The following CFAP299 variants were observed in gnomAD, a reference collection of about 807,000 sequenced individuals.
CFAP299 encodes the protein cilia- and flagella-associated protein 299.
Under a neutral mutation model 27.0 loss-of-function variants are expected in CFAP299, and 21 were observed. The observed-to-expected ratio is 0.78, with a 90% CI of 0.55 to 1.12. The LOEUF (loss-of-function observed/expected upper bound fraction) is 1.12, where lower values mean the gene tolerates loss of function less well. CFAP299 is among the 50% of genes most tolerant of loss of function. The probability of loss-of-function intolerance (pLI) is 0.00; values close to 1 mark genes in which losing one functional copy is unlikely to be tolerated. For missense variants in CFAP299, 310 were observed against 276.6 expected (o/e 1.12, Z -0.86); for synonymous variants, 104 against 98.1 (o/e 1.06, Z -0.36).
intron 4 of CFAP299, among the ~76,000 whole-genome samples, chr4:80,923,193 G>A (rs1027453509): frequency 1.3e-5 from 2 of 152,018 alleles, no homozygotes; most frequent in Admixed American, 6.6e-5. Context: ...CCACAGCCAG[G>A]AAGAGGAGGA....
rs999270359 is a variant in CFAP299, at chr4:80,399,404, C to T, written c.242+36520C>T. ...GACACATGCACACATATGTTTATTGCAGCACTATTCACAATAGCAAAGACT... is the reference window on the plus strand; with the variant it reads ...GACACATGCACACATATGTTTATTGTAGCACTATTCACAATAGCAAAGACT... On this transcript the variant is annotated intron_variant, in intron 2 of 5. Transcript: ENST00000358105. Among the ~76,000 whole-genome samples, 227 of 152,034 alleles carry T rather than the reference C, an allele frequency of 1.5e-3. 2 individuals are homozygous for T. Among genetic ancestry groups the T allele is most frequent in the Non-Finnish European group, 2.6e-3 (174 of 68,028 alleles).
At chr4:80,494,644 C>T (rs915395278) in intron 2 of CFAP299, among the ~76,000 whole-genome samples, 6 of 152,120 alleles carry the variant, frequency 3.9e-5, no homozygotes, top group African/African-American at 1.4e-4. Flanking sequence ...TTTCTTTTCC[C>T]TCTACTTAGA....
At chr4:80,651,153 T>C (rs1470802046) in intron 3 of CFAP299, among the ~76,000 whole-genome samples, 1 of 152,116 alleles carries the variant, frequency 6.6e-6, no homozygotes, top group Non-Finnish European at 1.5e-5. Flanking sequence ...TTGCAAATAT[T>C]TTTCTCCTTG....
chr4:80,938,029 T>G (rs1368155871), intron 4 of CFAP299, among the ~76,000 whole-genome samples: 1 of 152,210 alleles, frequency 6.6e-6, no homozygotes, highest in Admixed American at 6.5e-5. Flanking sequence ...TCTCCCTCTA[T>G]TTTATGTAAT....
At chr4:80,540,146 G>C (rs1733931638) in intron 2 of CFAP299, among the ~76,000 whole-genome samples, 1 of 152,188 alleles carries the variant, frequency 6.6e-6, no homozygotes, top group Non-Finnish European at 1.5e-5. Flanking sequence ...GGCCTTCTTG[G>C]AAGTTTTGTG....
intron 4 of CFAP299, among the ~76,000 whole-genome samples, chr4:80,892,777 G>A (rs1734373238): frequency 6.6e-6 from 1 of 151,932 alleles, no homozygotes; most frequent in Non-Finnish European, 1.5e-5. Flanking sequence ...TAATATATTC[G>A]ATGGCGAAAA....
intron 3 of CFAP299, among the ~76,000 whole-genome samples, chr4:80,820,637 T>A (rs1271239054): frequency 6.6e-6 from 1 of 152,050 alleles, no homozygotes; most frequent in Non-Finnish European, 1.5e-5. Flanking sequence ...AGAAGAGCCA[T>A]GTGGTCTGAC....
chr4:80,906,079 G>C (rs192382948), intron 4 of CFAP299, among the ~76,000 whole-genome samples: 37 of 152,246 alleles, frequency 2.4e-4, no homozygotes, highest in African/African-American at 8.4e-4. Context: ...TCAAAAGCAA[G>C]TTAGTTACTT....
chr4:80,944,910 G>C lies in CFAP299; in HGVS notation c.577G>C (p.Asp193His), dbSNP rs768332413. The C allele has an allele frequency of 1.9e-6, 3 of 1,612,784 alleles. No homozygotes were observed. The highest frequency in any genetic ancestry group is 2.5e-6 in the Non-Finnish European group (3 of 1,179,328). ...PEGLLFRYKR[D>H]RKILNVDPKA... The stretch of plus-strand genomic sequence containing the variant: ...AGGCTTACTTTTCAGATACAAAAGA[G>C]ACAGAAAAATTCTTAATGTGGACCC... Residue 193 changes from aspartate (D) to histidine (H), a missense_variant, in exon 5 of 6, where the codon GAC becomes CAC. Asp to His is a moderately conservative substitution (Grantham distance 81). Transcript: ENST00000358105.
At chr4:80,585,725 G>T (rs1736400987) in intron 3 of CFAP299, among the ~76,000 whole-genome samples, 1 of 152,164 alleles carries the variant, frequency 6.6e-6, no homozygotes, top group African/African-American at 2.4e-5. Flanking sequence ...ATGGGGATAA[G>T]TGTGTCTCCA....
At chr4:80,930,949 G>C (rs1375368026) in intron 4 of CFAP299, among the ~76,000 whole-genome samples, 1 of 151,966 alleles carries the variant, frequency 6.6e-6, no homozygotes, top group South Asian at 2.1e-4. Flanking sequence ...TCTGGACAAG[G>C]TTTCTCTCCT....
intron 2 of CFAP299, among the ~76,000 whole-genome samples, chr4:80,489,223 G>A (rs1171156707): frequency 6.6e-6 from 1 of 152,066 alleles, no homozygotes; most frequent in Non-Finnish European, 1.5e-5. Flanking sequence ...GTCTCTGAAG[G>A]TATTTTTACT....
intron 2 of CFAP299, among the ~76,000 whole-genome samples, chr4:80,465,889 AG>A (rs1388701250): frequency 6.6e-6 from 1 of 152,240 alleles, no homozygotes; most frequent in Non-Finnish European, 1.5e-5. Context: ...GGAATGCTGA[AG>A]GAATAAACAC....
rs561918835 is a variant in CFAP299, at chr4:80,387,250, G to C, written c.242+24366G>C. On this transcript the variant is annotated intron_variant, in intron 2 of 5. Transcript: ENST00000358105. Reference sequence around the variant, plus strand: ...GTAAGTCCTTGTTGCAGAAGTGGCCGGGGTAGCTCAGCTCCTCCTGGTGGC... The same window carrying C: ...GTAAGTCCTTGTTGCAGAAGTGGCCCGGGTAGCTCAGCTCCTCCTGGTGGC... 201 of 1,591,904 alleles carry C rather than the reference G, an allele frequency of 1.3e-4. No individual in the cohort carries two copies. The African/African-American group carries it at 2.4e-3, about 19-fold the overall frequency.
At chr4:80,700,388 T>C (rs1721399638) in intron 3 of CFAP299, among the ~76,000 whole-genome samples, 1 of 152,130 alleles carries the variant, frequency 6.6e-6, no homozygotes. Context: ...TTGTAATTAA[T>C]CATAATACTT....
At chr4:80,772,714 G>T (rs1390582336) in intron 3 of CFAP299, among the ~76,000 whole-genome samples, 1 of 151,700 alleles carries the variant, frequency 6.6e-6, no homozygotes, top group Non-Finnish European at 1.5e-5. Context: ...CCCTCCTCTT[G>T]CCCTCCGCCT....
At chr4:80,883,099 A>G (rs1733794110) in intron 4 of CFAP299, among the ~76,000 whole-genome samples, 1 of 152,170 alleles carries the variant, frequency 6.6e-6, no homozygotes. Flanking sequence ...ATAATTTGCT[A>G]ATAAATATAC....
chr4:80,396,953 T>G (rs1035299191), intron 2 of CFAP299, among the ~76,000 whole-genome samples: 1 of 152,224 alleles, frequency 6.6e-6, no homozygotes, highest in Non-Finnish European at 1.5e-5. Flanking sequence ...TCAGAAGGAA[T>G]GATACCAGCT....
chr4:80,391,571 T>C (rs1405395667), intron 2 of CFAP299, among the ~76,000 whole-genome samples: 1 of 152,194 alleles, frequency 6.6e-6, no homozygotes, highest in Non-Finnish European at 1.5e-5. Flanking sequence ...ATAATGAACC[T>C]GAAAAATTCT....
Sources: gnomAD v4.1 joint callset for allele counts (sites outside exome capture counted in the v4.1 genomes callset) on GRCh38, gnomAD v4.1.1 for gene constraint, MANE v1.5 for transcripts, NCBI Gene and HGNC (gene_info 2026-07-23, HGNC 2026-07-21) for gene names.